Variants in THSD7B observed in about 807,000 individuals in gnomAD.
THSD7B encodes the protein thrombospondin type-1 domain-containing protein 7B.
Under a neutral mutation model 213.6 loss-of-function variants are expected in THSD7B, and 138 were observed. The observed-to-expected ratio is 0.65, with a 90% confidence interval of 0.56 to 0.74. The LOEUF (loss-of-function observed/expected upper bound fraction) is 0.74, where lower values mean the gene tolerates loss of function less well. Among genes scored for constraint, THSD7B ranks in the 30% least tolerant of loss-of-function variants. The pLI is 0.00. For missense variants in THSD7B, 1,931 were observed against 1,991.5 expected, an observed-to-expected ratio of 0.97 and a Z score of 0.58; for synonymous variants, 742 against 687.0, an observed-to-expected ratio of 1.08 and a Z score of -1.25.
At chr2:137,271,102 GT>G (rs1682722360) in intron 10 of THSD7B, among the ~76,000 whole-genome samples, 1 of 151,582 alleles carries the variant, frequency 6.6e-6, no homozygotes, top group African/African-American at 2.4e-5. Flanking sequence ...CTTTCTATAA[GT>G]TAACTTCTTG....
chr2:136,951,975 T>G (rs766797655), intron 2 of THSD7B, among the ~76,000 whole-genome samples: 1 of 152,164 alleles, frequency 6.6e-6, no homozygotes, highest in Non-Finnish European at 1.5e-5. Context: ...GTTCAAGCGA[T>G]TCTTCTGCCT....
At chr2:137,453,223 G>T (rs1687686933) in intron 15 of THSD7B, among the ~76,000 whole-genome samples, 1 of 151,350 alleles carries the variant, frequency 6.6e-6, no homozygotes, top group Admixed American at 6.6e-5. Flanking sequence ...GGTACAAAAT[G>T]ATGTGTAATT....
chr2:137,121,501 T>G (rs1407703328), intron 5 of THSD7B, among the ~76,000 whole-genome samples: 2 of 152,198 alleles, frequency 1.3e-5, no homozygotes, highest in Non-Finnish European at 2.9e-5. Flanking sequence ...CTAAAGCATG[T>G]GGCATCGTGG....
At chr2:137,374,520 A>G (rs533460040) in intron 12 of THSD7B, among the ~76,000 whole-genome samples, 1 of 152,322 alleles carries the variant, frequency 6.6e-6, no homozygotes, top group East Asian at 1.9e-4. Context: ...CGGTAAGTCC[A>G]ATTAATTTAT....
At chr2:137,461,823 C>T (rs562959153) in intron 15 of THSD7B, among the ~76,000 whole-genome samples, 32 of 152,184 alleles carry the variant, frequency 2.1e-4, no homozygotes, top group African/African-American at 6.0e-4. Context: ...AGGAAGGAGC[C>T]ACTTTTGTGT....
At chr2:136,932,990 A>G (rs1684656322) in intron 2 of THSD7B, among the ~76,000 whole-genome samples, 2 of 152,292 alleles carry the variant, frequency 1.3e-5, no homozygotes, top group Admixed American at 6.5e-5. Flanking sequence ...TGGCTTTCAC[A>G]GTGGTTAAAA....
chr2:136,841,030 A>G (rs186623199), intron 1 of THSD7B, among the ~76,000 whole-genome samples: 56 of 152,202 alleles, frequency 3.7e-4, no homozygotes, highest in Admixed American at 3.2e-3. Context: ...TTTATTGTTC[A>G]CTTGCTGTGT....
chr2:137,057,299 T>C, intron 3 of THSD7B, 69 bp downstream of exon 3: 1 of 1,372,792 alleles, frequency 7.3e-7, no homozygotes, highest in Non-Finnish European at 9.7e-7. Flanking sequence ...ATAAAGCTTC[T>C]TTATGATTTT....
At chr2:137,538,353 C>A in intron 15 of THSD7B, 1 of 361,418 alleles carries the variant, frequency 2.8e-6, no homozygotes. Flanking sequence ...TGAAAAATAG[C>A]CATTAATTTT....
At chr2:137,337,131 A>T (rs1351461202) in intron 12 of THSD7B, among the ~76,000 whole-genome samples, 1 of 151,922 alleles carries the variant, frequency 6.6e-6, no homozygotes, top group East Asian at 1.9e-4. Flanking sequence ...TACCTAAACC[A>T]GGACATCAGC....
intron 10 of THSD7B, among the ~76,000 whole-genome samples, chr2:137,260,501 G>A (rs866679960): frequency 1.1e-4 from 16 of 152,128 alleles, no homozygotes; most frequent in African/African-American, 3.6e-4. Context: ...GGTGGTTCAT[G>A]CCTGTAATTC....
chr2:137,015,142 C>G (rs2104837840), intron 2 of THSD7B, among the ~76,000 whole-genome samples: 1 of 152,294 alleles, frequency 6.6e-6, no homozygotes, highest in East Asian at 1.9e-4. Flanking sequence ...GGGGCAACGG[C>G]TGTATGTCTT....
Position 137,588,893 on chromosome 2 carries a change from C to A in THSD7B, c.3423+16337C>A, listed in dbSNP as rs185807131. The stretch of plus-strand genomic sequence containing the variant: ...CTCCACCTCCCAGTGGATTTTCCTG[C>A]CTCAGCCTCCTGAGTAGGTGGGATT... On this transcript the variant is annotated intron_variant, in intron 17 of 27. Transcript: ENST00000409968. Among the ~76,000 whole-genome samples the A allele has an allele frequency of 7.4e-3, 1,121 of 152,176 alleles. 11 individuals are homozygous for A. The highest frequency in any genetic ancestry group is 0.028 in the Admixed American group (430 of 15,292).
rs547882743 is a variant in THSD7B at position 137,315,051 on chromosome 2, A to G, written c.2500+39025A>G. On this transcript the variant is annotated intron_variant, in intron 12 of 27. Coordinates refer to ENST00000409968, the MANE Select transcript of THSD7B (RefSeq NM_001316349.2). ...GGGCTCCACCCAGTTCGAGCTTCCCAGCTGCTTTGTTTACCTAAGCAAGCC... is the reference window on the plus strand; with the variant it reads ...GGGCTCCACCCAGTTCGAGCTTCCCGGCTGCTTTGTTTACCTAAGCAAGCC... Among the ~76,000 whole-genome samples the G allele has an allele frequency of 8.7e-3, 1,322 of 152,222 alleles. 23 individuals carry two copies. The highest frequency in any genetic ancestry group is 0.055 in the East Asian group (282 of 5,158).
rs1393495853 is a variant in THSD7B at position 137,486,127 on chromosome 2, T to C, written c.3138+35104T>C. On this transcript the variant is annotated intron_variant, in intron 15 of 27. Coordinates refer to ENST00000409968, the MANE Select transcript of THSD7B (RefSeq NM_001316349.2). ...ACCAGCTAACATCATAATGACAGGA[T>C]CAAATTCACACATAACAATATTAAC... Among the ~76,000 whole-genome samples, 15 of 152,074 alleles carry C rather than the reference T, an allele frequency of 9.9e-5. No homozygotes were observed. The East Asian group carries it at 2.5e-3, about 26-fold the overall frequency.
intron 1 of THSD7B, among the ~76,000 whole-genome samples, chr2:136,877,417 A>G (rs1683542867): frequency 6.6e-6 from 1 of 152,164 alleles, no homozygotes; most frequent in Non-Finnish European, 1.5e-5. Flanking sequence ...TCATGAAATC[A>G]TCTAACAGGC....
At chr2:137,312,594 A>G (rs1188433252) in intron 12 of THSD7B, among the ~76,000 whole-genome samples, 2 of 150,976 alleles carry the variant, frequency 1.3e-5, no homozygotes, top group South Asian at 2.1e-4. Flanking sequence ...TTTAATTGTG[A>G]TGTCAGGGTG....
At position 137,411,889 on chromosome 2, in the gene THSD7B, A is replaced by G; in HGVS notation, c.2959+17A>G. 4 of 1,613,272 alleles carry G rather than the reference A, an allele frequency of 2.5e-6. 1 individual carries two copies. Among genetic ancestry groups the G allele is most frequent in the Non-Finnish European group, 8.5e-7 (1 of 1,179,390 alleles). ...GCAGCTCTGGTAAGGAGATGGATGG[A>G]GAGTAACAGATGAGAACACTCACAC... On this transcript the variant is annotated intron_variant, in intron 14 of 27. Coordinates refer to ENST00000409968, the MANE Select transcript of THSD7B (RefSeq NM_001316349.2).
chr2:137,563,403 A>G, intron 16 of THSD7B, 49 bp downstream of exon 16: 1 of 1,600,824 alleles, frequency 6.2e-7, no homozygotes, highest in Middle Eastern at 1.7e-4. Flanking sequence ...TGGAACTTAT[A>G]CATTTTTTAT....
Sources: gnomAD v4.1 joint callset for allele counts (sites outside exome capture counted in the v4.1 genomes callset) on GRCh38, gnomAD v4.1.1 for gene constraint, MANE v1.5 for transcripts, NCBI Gene and HGNC (gene_info 2026-07-23, HGNC 2026-07-21) for gene names.